Variants in CA8 observed in about 807,000 individuals in gnomAD.
CA8 encodes carbonic anhydrase-related protein.
A neutral mutation model predicts 41.4 loss-of-function variants in CA8; 22 were observed. That is an observed-to-expected ratio of 0.53 (90% CI 0.38 to 0.76). The LOEUF (loss-of-function observed/expected upper bound fraction) is 0.76. CA8 is among the 30% of genes least tolerant of loss of function. The pLI, the probability that CA8 is intolerant of heterozygous loss-of-function variation, is 0.00. For synonymous variants in CA8, 121 were observed against 130.6 expected (o/e 0.93, Z 0.50); for missense variants, 270 against 352.8 (o/e 0.77, Z 1.88).
At chr8:60,247,009 G>T (rs925973699) in intron 3 of CA8, among the ~76,000 whole-genome samples, 7 of 148,704 alleles carry the variant, frequency 4.7e-5, no homozygotes, top group Non-Finnish European at 8.9e-5. Flanking sequence ...TCAGCCTCCC[G>T]AGTAGCTGGG....
At chr8:60,206,617 T>G (rs981941150) in intron 8 of CA8, among the ~76,000 whole-genome samples, 1 of 124,336 alleles carries the variant, frequency 8.0e-6, no homozygotes, top group Non-Finnish European at 1.7e-5. Flanking sequence ...TCCTTCCCTC[T>G]TCCTCTGCTC....
intron 8 of CA8, among the ~76,000 whole-genome samples, chr8:60,202,283 C>A (rs1436555903): frequency 1.3e-5 from 2 of 151,212 alleles, no homozygotes; most frequent in East Asian, 1.9e-4. Context: ...TATCTCCTGA[C>A]CTCATGATCC....
chr8:60,222,231 G>T (rs1417085504), intron 7 of CA8, among the ~76,000 whole-genome samples: 3 of 152,066 alleles, frequency 2.0e-5, no homozygotes, highest in African/African-American at 4.8e-5. Flanking sequence ...ACTCCTTCTG[G>T]GTCCTTCACC....
intron 5 of CA8, among the ~76,000 whole-genome samples, chr8:60,225,172 A>G (rs1807385996): frequency 6.6e-6 from 1 of 152,132 alleles, no homozygotes; most frequent in Non-Finnish European, 1.5e-5. Context: ...CAAGGGAATC[A>G]TTTGTGCTCT....
chr8:60,232,009 C>A (rs1807664158), intron 4 of CA8, among the ~76,000 whole-genome samples: 1 of 152,078 alleles, frequency 6.6e-6, no homozygotes, highest in Admixed American at 6.5e-5. Flanking sequence ...ATAAAATAAA[C>A]TCTACCTTCA....
At chr8:60,263,304 A>AG (rs1357856830) in intron 3 of CA8, among the ~76,000 whole-genome samples, 6 of 147,396 alleles carry the variant, frequency 4.1e-5, no homozygotes, top group African/African-American at 1.5e-4. Context: ...CCTGGGCGAC[A>AG]GGGCAAGACT....
intron 3 of CA8, among the ~76,000 whole-genome samples, chr8:60,232,887 C>T (rs948473507): frequency 6.6e-6 from 1 of 152,076 alleles, no homozygotes. Context: ...AAAAAAGCTG[C>T]ATATTTAAAG....
chr8:60,199,710 T>A (rs1806369529), intron 8 of CA8, among the ~76,000 whole-genome samples: 1 of 152,186 alleles, frequency 6.6e-6, no homozygotes, highest in African/African-American at 2.4e-5. Context: ...TTATTTTAGA[T>A]AATCTGGGCA....
intron 8 of CA8, among the ~76,000 whole-genome samples, chr8:60,203,549 T>C (rs1806493605): frequency 6.6e-6 from 1 of 152,176 alleles, no homozygotes; most frequent in Non-Finnish European, 1.5e-5. Flanking sequence ...TTTCCCTCTA[T>C]TTTTAAGATT....
chr8:60,270,595 T>C (rs1804038439), intron 2 of CA8, among the ~76,000 whole-genome samples: 1 of 152,142 alleles, frequency 6.6e-6, no homozygotes, highest in African/African-American at 2.4e-5. Flanking sequence ...TTTGTATTTT[T>C]ACTAGAGACG....
At chr8:60,221,498 T>C (rs1157466212) in intron 7 of CA8, among the ~76,000 whole-genome samples, 1 of 152,320 alleles carries the variant, frequency 6.6e-6, no homozygotes, top group Middle Eastern at 3.4e-3. Flanking sequence ...ATTGGCAGCA[T>C]ATACCCCTGT....
chr8:60,202,814 T>G (rs1359467196), intron 8 of CA8, among the ~76,000 whole-genome samples: 1 of 152,196 alleles, frequency 6.6e-6, no homozygotes, highest in Non-Finnish European at 1.5e-5. Flanking sequence ...TATTAGCTGG[T>G]TAAATAAATT....
chr8:60,277,812 T>A (rs1258450563), intron 2 of CA8, among the ~76,000 whole-genome samples: 1 of 152,210 alleles, frequency 6.6e-6, no homozygotes, highest in Non-Finnish European at 1.5e-5. Context: ...TTTTGGTTAC[T>A]TTTCTTGAGT....
intron 8 of CA8, among the ~76,000 whole-genome samples, chr8:60,201,779 C>A (rs557595701): frequency 2.2e-5 from 3 of 138,342 alleles, no homozygotes; most frequent in Non-Finnish European, 4.6e-5. Flanking sequence ...TTGTAAGGTA[C>A]TAGATGAGGC....
chr8:60,266,354 C>T (rs1370839432), intron 2 of CA8, among the ~76,000 whole-genome samples: 2 of 152,148 alleles, frequency 1.3e-5, no homozygotes, highest in Non-Finnish European at 2.9e-5. Context: ...CAAATTCCTC[C>T]CTTAGAGATT....
intron 8 of CA8, among the ~76,000 whole-genome samples, chr8:60,201,197 T>G (rs1444199586): frequency 6.6e-6 from 1 of 152,174 alleles, no homozygotes; most frequent in African/African-American, 2.4e-5. Context: ...ATTGTATATG[T>G]TGAGTTTGAG....
At chr8:60,217,999 T>A (rs925012812) in intron 7 of CA8, among the ~76,000 whole-genome samples, 5 of 152,210 alleles carry the variant, frequency 3.3e-5, no homozygotes, top group South Asian at 2.1e-4. Flanking sequence ...CCAACCTCCA[T>A]GGCACAGCCC....
At chr8:60,256,536 C>T (rs946712785) in intron 3 of CA8, among the ~76,000 whole-genome samples, 1 of 151,912 alleles carries the variant, frequency 6.6e-6, no homozygotes, top group Non-Finnish European at 1.5e-5. Context: ...GTAGCAAGGG[C>T]GCAAATATCT....
chr8:60,190,460 T>C (rs1806087210), intron 8 of CA8, among the ~76,000 whole-genome samples: 1 of 142,390 alleles, frequency 7.0e-6, no homozygotes, highest in South Asian at 2.2e-4. Context: ...TATATATATA[T>C]ATATATATAT....
Sources: allele counts gnomAD v4.1 joint callset (sites outside exome capture counted in the v4.1 genomes callset), GRCh38; gene constraint gnomAD v4.1.1; transcripts MANE v1.5; gene names NCBI Gene and HGNC (gene_info 2026-07-23, HGNC 2026-07-21).